The following MGME1 variants were observed in gnomAD, a reference collection of about 807,000 sequenced individuals.
MGME1 encodes the protein mitochondrial genome maintenance exonuclease 1, also known as chromosome 20 open reading frame 72.
Under a neutral mutation model 33.0 loss-of-function variants are expected in MGME1, and 22 were observed. That is an observed-to-expected ratio of 0.67 (90% CI 0.48 to 0.95). The LOEUF (loss-of-function observed/expected upper bound fraction) is 0.95, where lower values mean the gene tolerates loss of function less well. Among genes scored for constraint, MGME1 ranks in the 40% least tolerant of loss-of-function variants. The probability of loss-of-function intolerance (pLI) is 0.00; values close to 1 mark genes in which losing one functional copy is unlikely to be tolerated. For synonymous variants in MGME1, 133 were observed against 144.0 expected, an observed-to-expected ratio of 0.92 and a Z score of 0.55; for missense variants, 383 against 397.8, an observed-to-expected ratio of 0.96 and a Z score of 0.32.
rs936819999 is a variant in MGME1 at position 17,990,269 on chromosome 20, C to A, written c.*160C>A. 3 of 691,952 alleles carry A rather than the reference C, an allele frequency of 4.3e-6. No homozygotes were observed. In the African/African-American group the frequency reaches 5.4e-5, roughly 12 times the overall value. The allele number at this position is 691,952 out of a possible 1,614,324, so 42.9% of individuals were successfully genotyped here. A position where few individuals can be genotyped will look rare whatever the true frequency, so the allele number is the denominator to read the frequency against. ...TTGAAATGTGTTGTTACCAAAAAGA[C>A]TGAAAAGCCCCAAAGTCTAGATATA... On this transcript the variant is annotated 3_prime_UTR_variant, in exon 5 of 5. Coordinates refer to ENST00000377710, the MANE Select transcript of MGME1 (RefSeq NM_052865.4).
chr20:17,975,633 T>C (rs370963122), intron 2 of MGME1, 51 bp from the exon 3 acceptor site: 1 of 1,322,936 alleles, frequency 7.6e-7, no homozygotes, highest in African/African-American at 1.5e-5. Flanking sequence ...TTTTTCAGTG[T>C]TAGCTTTGTT....
rs958836123 is a variant in MGME1, at chr20:17,975,011, A to AT, written c.512-664dup. Among the ~76,000 whole-genome samples, 15 of 151,794 alleles carry AT rather than the reference A, an allele frequency of 9.9e-5. No homozygotes were observed. In the South Asian group the frequency reaches 1.2e-3, roughly 13 times the overall value. On this transcript the variant is annotated intron_variant, in intron 2 of 4. Coordinates refer to ENST00000377710, the MANE Select transcript of MGME1 (RefSeq NM_052865.4). Reference sequence around the variant, plus strand: ...AGAAGCACAGTTCCCTAGATTTCTAATTTTTTTTTATTTTATCACAGCCAG... The same window carrying AT: ...AGAAGCACAGTTCCCTAGATTTCTAATTTTTTTTTTATTTTATCACAGCCAG...
At chr20:17,981,648 CGT>C (rs10677204) in intron 3 of MGME1, among the ~76,000 whole-genome samples, 24,241 of 139,528 alleles carry the variant, frequency 0.17, 2,065 homozygotes, top group East Asian at 0.28. Flanking sequence ...ATCTACTACT[CGT>C]GTGTGTGTGT....
At chr20:17,971,054 A>G (rs1418412120) in intron 2 of MGME1, among the ~76,000 whole-genome samples, 1 of 152,222 alleles carries the variant, frequency 6.6e-6, no homozygotes, top group African/African-American at 2.4e-5. Context: ...CACATCAATC[A>G]TTCCTTTACC....
rs201102093 is a variant in MGME1 at position 17,973,350 on chromosome 20, G to C, written c.512-2334G>C. Reference sequence around the variant, plus strand: ...AAAAAGAATTGACATTTCCATCTTTGTAAAAAATAGTTGAAGGCCGAGTGC... The same window carrying C: ...AAAAAGAATTGACATTTCCATCTTTCTAAAAAATAGTTGAAGGCCGAGTGC... On this transcript the variant is annotated intron_variant, in intron 2 of 4. Transcript: ENST00000377710. Among the ~76,000 whole-genome samples the C allele has an allele frequency of 4.0e-5, 6 of 151,776 alleles. No homozygotes were observed. In the East Asian group the frequency reaches 1.2e-3, roughly 30 times the overall value.
At chr20:17,985,145 C>T (rs891651170) in intron 3 of MGME1, among the ~76,000 whole-genome samples, 1 of 150,334 alleles carries the variant, frequency 6.7e-6, no homozygotes, top group African/African-American at 2.5e-5. Flanking sequence ...AAGAAGTGGC[C>T]GGGCATGGTG....
At chr20:17,969,659 A>AT (rs2035659151) in intron 1 of MGME1, 142 bp from the exon 2 acceptor site, 27 of 532,924 alleles carry the variant, frequency 5.1e-5, no homozygotes, top group East Asian at 6.2e-5. Flanking sequence ...TTATTTATAA[A>AT]TTTTTTTTGG....
chr20:17,984,030 C>A (rs6136248), intron 3 of MGME1, among the ~76,000 whole-genome samples: 1 of 151,862 alleles, frequency 6.6e-6, no homozygotes, highest in South Asian at 2.1e-4. Context: ...AGCTTTTCTC[C>A]TGTTTTTTTT....
In MGME1 at chr20:17,978,182, T is replaced by C. The variant is rs539786055; in HGVS notation, c.731+2279T>C. ...CACCCTTGATAGTCTGAAAACTGTTTAGACCACCTAATGGTTTTATTTTTT... is the reference window on the plus strand; with the variant it reads ...CACCCTTGATAGTCTGAAAACTGTTCAGACCACCTAATGGTTTTATTTTTT... On this transcript the variant is annotated intron_variant, in intron 3 of 4. Coordinates refer to ENST00000377710, the MANE Select transcript of MGME1 (RefSeq NM_052865.4). Among the ~76,000 whole-genome samples, 173 of 152,322 alleles carry C rather than the reference T, an allele frequency of 1.1e-3. 1 individual carries two copies. The highest frequency in any genetic ancestry group is 3.4e-3 in the Admixed American group (52 of 15,288).
chr20:17,972,928 C>T (rs8121408), intron 2 of MGME1, among the ~76,000 whole-genome samples: 42,925 of 151,948 alleles, frequency 0.28, 6,740 homozygotes, highest in African/African-American at 0.43. Context: ...AGGTCTTTCA[C>T]GTGTTAATAA....
intron 3 of MGME1, among the ~76,000 whole-genome samples, chr20:17,985,149 C>T (rs1021442063): frequency 6.6e-6 from 1 of 151,976 alleles, no homozygotes; most frequent in Non-Finnish European, 1.5e-5. Context: ...AGTGGCCGGG[C>T]ATGGTGGCTC....
At chr20:17,976,867 G>T (rs1019007832) in intron 3 of MGME1, among the ~76,000 whole-genome samples, 5 of 151,924 alleles carry the variant, frequency 3.3e-5, no homozygotes, top group Non-Finnish European at 7.4e-5. Flanking sequence ...CTCCATGTTG[G>T]TCAGGCTGGT....
chr20:17,988,365 G>A, intron 4 of MGME1, 67 bp downstream of exon 4: 1 of 1,541,960 alleles, frequency 6.5e-7, no homozygotes, highest in East Asian at 2.3e-5. Flanking sequence ...CTCCGGGCCG[G>A]GCGCAGTGGC....
At chr20:17,983,629 A>G (rs903199562) in intron 3 of MGME1, among the ~76,000 whole-genome samples, 3 of 152,168 alleles carry the variant, frequency 2.0e-5, no homozygotes, top group Non-Finnish European at 4.4e-5. Flanking sequence ...TTTTGATAAT[A>G]GCCATTCTAA....
At chr20:17,985,722 G>A (rs1018679273) in intron 3 of MGME1, among the ~76,000 whole-genome samples, 1 of 152,124 alleles carries the variant, frequency 6.6e-6, no homozygotes, top group Non-Finnish European at 1.5e-5. Context: ...GTGTTTAGAT[G>A]CACTAATGCT....
chr20:17,986,236 T>G (rs2036151516), intron 3 of MGME1, among the ~76,000 whole-genome samples: 2 of 152,046 alleles, frequency 1.3e-5, no homozygotes, highest in Admixed American at 1.3e-4. Context: ...GCCTGGCTAA[T>G]TTTTGTATTT....
At chr20:17,983,892 G>A (rs893137502) in intron 3 of MGME1, among the ~76,000 whole-genome samples, 5 of 152,082 alleles carry the variant, frequency 3.3e-5, no homozygotes, top group Admixed American at 1.3e-4. Flanking sequence ...CCATTCTGTG[G>A]ATTGTGTCTT....
At chr20:17,972,594 T>TA in intron 2 of MGME1, 1 of 886,258 alleles carries the variant, frequency 1.1e-6, no homozygotes, top group Non-Finnish European at 1.4e-6. Flanking sequence ...TTTGAGTGAA[T>TA]AAGCAGACTT....
At chr20:17,974,306 C>T (rs1375601965) in intron 2 of MGME1, among the ~76,000 whole-genome samples, 1 of 152,118 alleles carries the variant, frequency 6.6e-6, no homozygotes, top group African/African-American at 2.4e-5. Context: ...CTCAGGTAAT[C>T]CGCCTGCCTT....
Sources: gnomAD v4.1 joint callset for allele counts (sites outside exome capture counted in the v4.1 genomes callset) on GRCh38, gnomAD v4.1.1 for gene constraint, MANE v1.5 for transcripts, NCBI Gene and HGNC (gene_info 2026-07-23, HGNC 2026-07-21) for gene names.